Variants in DPCD observed in about 807,000 individuals in gnomAD.
The protein encoded by DPCD is deleted in primary ciliary dyskinesia homolog (mouse), also known as protein DPCD.
In DPCD, 20 loss-of-function variants were observed where a neutral mutation model predicts 26.4. The observed-to-expected ratio is 0.76, with a 90% CI of 0.53 to 1.10. DPCD has a LOEUF of 1.10. DPCD is among the 50% of genes least tolerant of loss of function. The pLI is 0.00. For synonymous variants in DPCD, 97 were observed against 94.2 expected (o/e 1.03, Z -0.17); for missense variants, 202 against 253.9 (o/e 0.80, Z 1.39).
chr10:101,608,870 G>A lies in DPCD; in HGVS notation c.440G>A (p.Arg147Lys). The A allele has an allele frequency of 6.2e-7, 1 of 1,613,812 alleles. No homozygotes were observed. Among genetic ancestry groups the A allele is most frequent in the Admixed American group, 1.7e-5 (1 of 59,998 alleles). Residue 147 changes from arginine to lysine, a missense_variant, in exon 5 of 6, where the codon AGA becomes AAA. Physicochemically the swap from Arg to Lys is conservative, Grantham distance 26. This residue lies in a region of DPCD where 118 missense variants were observed against 145.1 expected (regional missense o/e 0.81). Transcript: ENST00000370151. ...AAGTTCTCCATTCCTGATCTAGATA[G>A]ACACCAGCTACCTCTGGATGACGCC... ...YKKFSIPDLD[R>K]HQLPLDDALL...
At chr10:101,588,470 A>G in intron 1 of DPCD, 70 bp downstream of exon 1, 1 of 1,541,846 alleles carries the variant, frequency 6.5e-7, no homozygotes, top group East Asian at 2.4e-5. Flanking sequence ...GAAGGGCCTC[A>G]GGGCCTGGGT....
intron 2 of DPCD, among the ~76,000 whole-genome samples, chr10:101,598,777 A>G (rs1024706515): frequency 6.6e-6 from 1 of 151,942 alleles, no homozygotes; most frequent in Admixed American, 6.5e-5. Context: ...GGCGTGTGCC[A>G]CCACACCCAG....
At chr10:101,592,751 C>T (rs1053178011) in intron 1 of DPCD, among the ~76,000 whole-genome samples, 3 of 151,250 alleles carry the variant, frequency 2.0e-5, no homozygotes, top group African/African-American at 7.3e-5. Context: ...CGTGGTGGCT[C>T]ATGCCTGTAA....
At chr10:101,606,509 G>A (rs2063734142) in intron 4 of DPCD, among the ~76,000 whole-genome samples, 1 of 152,022 alleles carries the variant, frequency 6.6e-6, no homozygotes, top group South Asian at 2.1e-4. Flanking sequence ...TAGAGACAGG[G>A]TCTCGCTATG....
At chr10:101,602,985 C>G (rs2134775563) in intron 4 of DPCD, among the ~76,000 whole-genome samples, 2 of 152,394 alleles carry the variant, frequency 1.3e-5, no homozygotes, top group Non-Finnish European at 2.9e-5. Flanking sequence ...TGGCCAGGAG[C>G]TCCATGGCTG....
intron 1 of DPCD, among the ~76,000 whole-genome samples, chr10:101,592,113 T>G (rs1304625182): frequency 1.3e-5 from 2 of 152,002 alleles, no homozygotes; most frequent in Non-Finnish European, 1.5e-5. Flanking sequence ...AGAATAAATA[T>G]ACTATTAAAA....
chr10:101,608,892 C>T lies in DPCD; in HGVS notation c.462C>T (p.Asp154=), dbSNP rs542483454. 3.1e-5 allele frequency: 50 copies of T among 1,613,810 alleles called. No homozygotes were observed. Among genetic ancestry groups the T allele is most frequent in the African/African-American group, 8.0e-5 (6 of 75,004 alleles). The change falls in exon 5 of 6, where the codon GAC becomes GAT. Residue 154 remains aspartate, a synonymous_variant. Coordinates refer to ENST00000370151, the MANE Select transcript of DPCD (RefSeq NM_015448.3). ...ATAGACACCAGCTACCTCTGGATGA[C>T]GCCTTGCTGAGCTTTGCCCACGCCA... ...DLDRHQLPLD[D]ALLSFAHANC...
chr10:101,591,182 T>C (rs2063604414), intron 1 of DPCD, among the ~76,000 whole-genome samples: 1 of 152,238 alleles, frequency 6.6e-6, no homozygotes, highest in Non-Finnish European at 1.5e-5. Flanking sequence ...GTGATATCCA[T>C]TGTATGTCTA....
At chr10:101,599,591 C>T (rs564869266) in intron 2 of DPCD, among the ~76,000 whole-genome samples, 2 of 152,334 alleles carry the variant, frequency 1.3e-5, no homozygotes, top group Admixed American at 6.5e-5. Context: ...GTGTGCCTTA[C>T]TTATACCGGT....
intron 1 of DPCD, among the ~76,000 whole-genome samples, chr10:101,589,901 A>G (rs2063577975): frequency 6.6e-6 from 1 of 152,038 alleles, no homozygotes; most frequent in South Asian, 2.1e-4. Flanking sequence ...CAAAAAAATA[A>G]ATAAGCCGTG....
chr10:101,598,635 T>TG, intron 2 of DPCD, among the ~76,000 whole-genome samples: 1 of 141,716 alleles, frequency 7.1e-6, no homozygotes, highest in Non-Finnish European at 1.5e-5. Flanking sequence ...TTTTTTTTTT[T>TG]TTTTTTGAGA....
chr10:101,592,991 C>T (rs1274738545), intron 1 of DPCD, among the ~76,000 whole-genome samples: 2 of 144,612 alleles, frequency 1.4e-5, no homozygotes, highest in African/African-American at 5.3e-5. Flanking sequence ...TCCAGCCTGG[C>T]GACAGAGCGA....
At chr10:101,605,910 A>G (rs774751415) in intron 4 of DPCD, among the ~76,000 whole-genome samples, 1 of 152,212 alleles carries the variant, frequency 6.6e-6, no homozygotes, top group African/African-American at 2.4e-5. Context: ...TCTGGGCCTC[A>G]GTTTCCTTTT....
At position 101,593,405 on chromosome 10, in the gene DPCD, C is replaced by T. The variant is rs574558588; in HGVS notation, c.65-1253C>T. 1.6e-3 allele frequency among the ~76,000 whole-genome samples: 240 copies of T among 152,232 alleles called. 1 individual carries two copies. Among genetic ancestry groups the T allele is most frequent in the African/African-American group, 5.7e-3 (237 of 41,530 alleles). On this transcript the variant is annotated intron_variant, in intron 1 of 5. Transcript: ENST00000370151. The stretch of plus-strand genomic sequence containing the variant: ...TGGACAGGAAAAAGGCACCTTGGGG[C>T]TCTTATTCATCAAGCATACATAGGG...
intron 2 of DPCD, 111 bp downstream of exon 2, chr10:101,594,849 G>A: frequency 9.7e-7 from 1 of 1,030,010 alleles, no homozygotes; most frequent in Non-Finnish European, 1.5e-6. Flanking sequence ...AAATGTAGAG[G>A]CTGGGAGAGA....
chr10:101,588,635 T>G (rs1346996351), intron 1 of DPCD: 4 of 1,355,900 alleles, frequency 3.0e-6, no homozygotes, highest in Non-Finnish European at 3.8e-6. Flanking sequence ...TGATTTCTGT[T>G]GCTAATATAG....
In DPCD at chr10:101,600,866, C is replaced by T. The variant is rs375865718; in HGVS notation, c.270+4C>T. ...CATCAAGGAAAGCAATGCCAATGTACGTCCATCTGTCCAGGTGTCTTGCAC... is the reference window on the plus strand; with the variant it reads ...CATCAAGGAAAGCAATGCCAATGTATGTCCATCTGTCCAGGTGTCTTGCAC... On this transcript the variant is annotated splice_donor_region_variant and intron_variant, in intron 3 of 5. Coordinates refer to ENST00000370151, the MANE Select transcript of DPCD (RefSeq NM_015448.3). The surrounding 1 kb of genome is among the most constrained non-coding windows in gnomAD (Gnocchi z 4.7). 36 of 1,613,820 alleles carry T rather than the reference C, an allele frequency of 2.2e-5. No individual in the cohort carries two copies. The highest frequency in any genetic ancestry group is 2.8e-5 in the Non-Finnish European group (33 of 1,179,992).
At chr10:101,589,708 C>T (rs1356200252) in intron 1 of DPCD, among the ~76,000 whole-genome samples, 1 of 151,984 alleles carries the variant, frequency 6.6e-6, no homozygotes, top group Non-Finnish European at 1.5e-5. Context: ...ATGAAACCAC[C>T]CCATCGCTAC....
rs1273356702 is a variant in DPCD, at chr10:101,600,133, G to T, written c.146-605G>T. Among the ~76,000 whole-genome samples the T allele has an allele frequency of 6.6e-6, 1 of 151,762 alleles. No individual in the cohort carries two copies. The highest frequency in any genetic ancestry group is 1.5e-5 in the Non-Finnish European group (1 of 67,724). On this transcript the variant is annotated intron_variant, in intron 2 of 5. Transcript: ENST00000370151. This position sits in a 1 kb window ranked among gnomAD's most constrained non-coding sequence, Gnocchi z 4.7. ...TCACATTAGATCTTTTATAAACCGT[G>T]CATTTAAAATATGGCATGTGCCTAC...
Sources: allele counts gnomAD v4.1 joint callset (sites outside exome capture counted in the v4.1 genomes callset), GRCh38; gene constraint gnomAD v4.1.1; regional missense constraint gnomAD v4.1.1; non-coding constraint Gnocchi (gnomAD v3.1); transcripts MANE v1.5; gene names NCBI Gene and HGNC (gene_info 2026-07-23, HGNC 2026-07-21).